The following GRM7 variants were observed in gnomAD, a reference collection of about 807,000 sequenced individuals.
GRM7 encodes glutamate metabotropic receptor 7, also known as metabotropic glutamate receptor 7.
A neutral mutation model predicts 84.5 loss-of-function variants in GRM7; 35 were observed. The observed-to-expected ratio is 0.41, with a 90% CI of 0.32 to 0.55. The LOEUF (loss-of-function observed/expected upper bound fraction) is 0.55. Among genes scored for constraint, GRM7 ranks in the 20% least tolerant of loss-of-function variants. GRM7 has a pLI of 0.19. For synonymous variants in GRM7, 487 were observed against 455.1 expected (o/e 1.07, Z -0.89); for missense variants, 1,003 against 1,194.6 (o/e 0.84, Z 2.36).
chr3:7,320,130 C>T (rs1221730066), intron 4 of GRM7, among the ~76,000 whole-genome samples: 2 of 151,742 alleles, frequency 1.3e-5, no homozygotes, highest in African/African-American at 4.8e-5. Flanking sequence ...ATTATGTATG[C>T]ATGGAAATGT....
intron 7 of GRM7, among the ~76,000 whole-genome samples, chr3:7,544,399 TC>T (rs1693038279): frequency 6.6e-6 from 1 of 152,008 alleles, no homozygotes; most frequent in African/African-American, 2.4e-5. Flanking sequence ...CAAGTCATCC[TC>T]CCTCCTCAGC....
chr3:7,528,310 TA>T (rs1700889431), intron 7 of GRM7, among the ~76,000 whole-genome samples: 1 of 152,104 alleles, frequency 6.6e-6, no homozygotes. Context: ...TTTGTGTTTA[TA>T]AAGGTGTTCA....
intron 2 of GRM7, among the ~76,000 whole-genome samples, chr3:7,229,010 C>T (rs899210096): frequency 6.6e-6 from 1 of 152,046 alleles, no homozygotes; most frequent in Non-Finnish European, 1.5e-5. Flanking sequence ...TCTTTCAAAA[C>T]CTCATATTAT....
At chr3:7,194,064 T>C (rs1695802802) in intron 2 of GRM7, among the ~76,000 whole-genome samples, 1 of 152,178 alleles carries the variant, frequency 6.6e-6, no homozygotes, top group Admixed American at 6.5e-5. Flanking sequence ...ATGCTCTCTT[T>C]ACACATCCTC....
At chr3:7,373,741 T>A (rs988382684) in intron 4 of GRM7, among the ~76,000 whole-genome samples, 2 of 151,876 alleles carry the variant, frequency 1.3e-5, no homozygotes, top group African/African-American at 4.9e-5. Flanking sequence ...AGTTTTGGAA[T>A]GTGGCCAGCA....
chr3:7,237,201 T>C (rs1203724893), intron 2 of GRM7, among the ~76,000 whole-genome samples: 1 of 152,172 alleles, frequency 6.6e-6, no homozygotes, highest in East Asian at 1.9e-4. Flanking sequence ...CAAAAGTCTA[T>C]ATTCTTTACC....
At chr3:7,522,162 G>A (rs1182478392) in intron 7 of GRM7, among the ~76,000 whole-genome samples, 1 of 152,148 alleles carries the variant, frequency 6.6e-6, no homozygotes, top group Non-Finnish European at 1.5e-5. Context: ...TGGTGGAATA[G>A]GCTGGCTCTT....
At chr3:7,007,844 T>G (rs1695232097) in intron 1 of GRM7, among the ~76,000 whole-genome samples, 1 of 152,192 alleles carries the variant, frequency 6.6e-6, no homozygotes, top group African/African-American at 2.4e-5. Flanking sequence ...CACAGAGGTT[T>G]GAGAGATTTC....
At chr3:7,514,954 G>T (rs1232357391) in intron 7 of GRM7, among the ~76,000 whole-genome samples, 2 of 151,780 alleles carry the variant, frequency 1.3e-5, no homozygotes, top group Non-Finnish European at 2.9e-5. Flanking sequence ...AGTTATGACT[G>T]TTGAGTCACA....
chr3:7,489,040 T>C (rs1465705974), intron 7 of GRM7, among the ~76,000 whole-genome samples: 1 of 152,136 alleles, frequency 6.6e-6, no homozygotes, highest in Admixed American at 6.6e-5. Context: ...TGTGCAGGTG[T>C]TGCTTTGAAT....
rs374472144 is a variant in GRM7 at position 7,335,854 on chromosome 3, A to G, written c.1033+29202A>G. Among the ~76,000 whole-genome samples the G allele has an allele frequency of 2.2e-4, 33 of 152,174 alleles. 1 individual carries two copies. The South Asian group carries it at 6.8e-3, about 32-fold the overall frequency. ...ATAAACAACCCTCATAGATTAAATC[A>G]GAAAGAAAAAGAAACTGAACAGACC... On this transcript the variant is annotated intron_variant, in intron 4 of 9. Coordinates refer to ENST00000357716, the MANE Select transcript of GRM7 (RefSeq NM_000844.4).
chr3:7,253,902 C>T (rs1200665829), intron 2 of GRM7, among the ~76,000 whole-genome samples: 3 of 152,166 alleles, frequency 2.0e-5, no homozygotes, highest in Non-Finnish European at 4.4e-5. Context: ...TTCCCGGGTC[C>T]TTGACAGAAG....
intron 1 of GRM7, among the ~76,000 whole-genome samples, chr3:7,096,047 G>A (rs1159568549): frequency 6.6e-6 from 1 of 152,094 alleles, no homozygotes; most frequent in Admixed American, 6.6e-5. Flanking sequence ...TTACAGTTAT[G>A]TGAATCAATT....
chr3:7,488,624 G>A lies in GRM7; in HGVS notation c.1515+26902G>A, dbSNP rs538309955. Among the ~76,000 whole-genome samples, 54 of 152,224 alleles carry A rather than the reference G, an allele frequency of 3.5e-4. No individual in the cohort carries two copies. In the South Asian group the frequency reaches 7.9e-3, roughly 22 times the overall value. On this transcript the variant is annotated intron_variant, in intron 7 of 9. Coordinates refer to ENST00000357716, the MANE Select transcript of GRM7 (RefSeq NM_000844.4). ...CATTGTAATGCAGCATGAGGCCCCC[G>A]CCAACAGGCAAGCAGATGCTGGTGT...
chr3:7,564,740 C>T lies in GRM7; in HGVS notation c.1516-13682C>T, dbSNP rs183686403. 7.8e-4 allele frequency among the ~76,000 whole-genome samples: 118 copies of T among 152,248 alleles called. No individual in the cohort carries two copies. In the South Asian group the frequency reaches 0.012, roughly 16 times the overall value. ...TACACGTGTCATCTTATTTAGTCTT[C>T]CTACCTAATAAACTAAGGGAACTGA... On this transcript the variant is annotated intron_variant, in intron 7 of 9. Transcript: ENST00000357716.
chr3:6,932,041 T>C (rs998311174), intron 1 of GRM7, among the ~76,000 whole-genome samples: 12 of 152,220 alleles, frequency 7.9e-5, no homozygotes, highest in African/African-American at 2.7e-4. Context: ...ATGGTAAGGT[T>C]GGGTTTTGAA....
At chr3:7,158,760 A>G (rs188301184) in intron 2 of GRM7, among the ~76,000 whole-genome samples, 32 of 152,236 alleles carry the variant, frequency 2.1e-4, no homozygotes, top group African/African-American at 7.5e-4. Flanking sequence ...CCATAAATCT[A>G]CTTGCCTTTT....
intron 1 of GRM7, among the ~76,000 whole-genome samples, chr3:7,001,203 G>T (rs1175258828): frequency 6.6e-6 from 1 of 152,022 alleles, no homozygotes; most frequent in Non-Finnish European, 1.5e-5. Context: ...TTTTAAAATT[G>T]TCTGGGCATG....
At position 6,985,772 on chromosome 3, in the gene GRM7, C is replaced by T. The variant is rs183336586; in HGVS notation, c.519+123865C>T. On this transcript the variant is annotated intron_variant, in intron 1 of 9. Coordinates refer to ENST00000357716, the MANE Select transcript of GRM7 (RefSeq NM_000844.4). ...CAGTTGGGCCTAGCAGGAACAAAAA[C>T]GTGTTATTAAATCTGGAAATGAGCT... 2.2e-4 allele frequency among the ~76,000 whole-genome samples: 34 copies of T among 152,114 alleles called. No homozygotes were observed. The South Asian group carries it at 5.2e-3, about 23-fold the overall frequency.
Sources: allele counts gnomAD v4.1 joint callset (sites outside exome capture counted in the v4.1 genomes callset), GRCh38; gene constraint gnomAD v4.1.1; transcripts MANE v1.5; gene names NCBI Gene and HGNC (gene_info 2026-07-23, HGNC 2026-07-21).